Variants in CCDC68 observed in about 807,000 individuals in gnomAD.
CCDC68 encodes the protein coiled-coil domain containing 68.
In CCDC68, 45 loss-of-function variants were observed where a neutral mutation model predicts 47.1. The ratio of observed to expected loss-of-function variants is 0.96; its 90% CI spans 0.75 to 1.23. CCDC68 has a LOEUF of 1.23. CCDC68 is among the 50% of genes most tolerant of loss of function. CCDC68 has a pLI of 0.00. For synonymous variants in CCDC68, 131 were observed against 129.5 expected (o/e 1.01, Z -0.08); for missense variants, 353 against 373.6 (o/e 0.94, Z 0.45).
At chr18:54,916,590 A>G (rs2043956191) in intron 10 of CCDC68, among the ~76,000 whole-genome samples, 1 of 152,128 alleles carries the variant, frequency 6.6e-6, no homozygotes, top group Admixed American at 6.5e-5. Context: ...GTGATGCGCC[A>G]TTTGACAGAG....
intron 7 of CCDC68, among the ~76,000 whole-genome samples, chr18:54,930,621 CTT>C (rs2044227166): frequency 1.4e-5 from 1 of 72,644 alleles, no homozygotes; most frequent in Non-Finnish European, 2.8e-5. Flanking sequence ...CTTCCCTTCC[CTT>C]CCCCTCCCTC....
intron 7 of CCDC68, among the ~76,000 whole-genome samples, chr18:54,933,944 G>A (rs1164115891): frequency 1.3e-5 from 2 of 152,166 alleles, no homozygotes; most frequent in African/African-American, 4.8e-5. Flanking sequence ...ATATTGAAAT[G>A]TGATGTTTTT....
At chr18:54,927,038 C>A (rs2044157716) in intron 8 of CCDC68, among the ~76,000 whole-genome samples, 1 of 152,140 alleles carries the variant, frequency 6.6e-6, no homozygotes, top group East Asian at 1.9e-4. Flanking sequence ...ATGACCATAT[C>A]TATCTAATCT....
chr18:54,927,993 C>G (rs2044173930), intron 8 of CCDC68, among the ~76,000 whole-genome samples: 1 of 152,184 alleles, frequency 6.6e-6, no homozygotes, highest in Admixed American at 6.5e-5. Context: ...GACAACAATT[C>G]TGTCCATAAT....
chr18:54,948,651 T>A (rs554415067), intron 1 of CCDC68, among the ~76,000 whole-genome samples: 5 of 152,210 alleles, frequency 3.3e-5, no homozygotes, highest in African/African-American at 1.2e-4. Context: ...AGCCACTGTG[T>A]TAGGAACTGT....
chr18:54,924,931 G>A (rs2044120829), intron 8 of CCDC68, among the ~76,000 whole-genome samples: 1 of 152,136 alleles, frequency 6.6e-6, no homozygotes, highest in Non-Finnish European at 1.5e-5. Flanking sequence ...TTGGCATCAT[G>A]CTATTCTGTT....
chr18:54,941,741 G>A (rs1025868626), intron 3 of CCDC68, among the ~76,000 whole-genome samples: 1 of 152,108 alleles, frequency 6.6e-6, no homozygotes, highest in African/African-American at 2.4e-5. Context: ...CTCTTAGACT[G>A]TAAGACTGTA....
chr18:54,929,062 T>A (rs1421668667), intron 7 of CCDC68, among the ~76,000 whole-genome samples, 180 bp from the exon 8 acceptor site: 1 of 152,194 alleles, frequency 6.6e-6, no homozygotes, highest in Non-Finnish European at 1.5e-5. Flanking sequence ...ATAGTTCAAC[T>A]ATAGGCCAAA....
chr18:54,949,574 C>A (rs920862990), intron 1 of CCDC68, among the ~76,000 whole-genome samples: 4 of 152,192 alleles, frequency 2.6e-5, no homozygotes, highest in Non-Finnish European at 5.9e-5. Flanking sequence ...TGATTGACCG[C>A]ACAGAGGTAT....
At chr18:54,947,433 A>G (rs2044545969) in intron 1 of CCDC68, among the ~76,000 whole-genome samples, 1 of 152,188 alleles carries the variant, frequency 6.6e-6, no homozygotes, top group Non-Finnish European at 1.5e-5. Flanking sequence ...GCTTTCTGTG[A>G]AGAAAGAAGG....
rs374996342 is a variant in CCDC68, at chr18:54,918,881, C to T, written c.789+390G>A. ...CCAGAGAAGAAGGGCCAGGCTACAC[C>T]CCTATCCTAAATCATGTCCTAAATA... On this transcript the variant is annotated intron_variant, in intron 9 of 11. Coordinates refer to ENST00000591504, the MANE Select transcript of CCDC68 (RefSeq NM_025214.3). 1.3e-3 allele frequency among the ~76,000 whole-genome samples: 205 copies of T among 152,272 alleles called. No individual in the cohort carries two copies. The South Asian group carries it at 0.014, about 10-fold the overall frequency.
At chr18:54,918,978 C>T (rs1377611753) in intron 9 of CCDC68, among the ~76,000 whole-genome samples, 1 of 152,188 alleles carries the variant, frequency 6.6e-6, no homozygotes, top group Non-Finnish European at 1.5e-5. Context: ...ACAAAATTGT[C>T]TAAAGACCAG....
At chr18:54,953,509 CAT>C (rs1212733479) in intron 1 of CCDC68, among the ~76,000 whole-genome samples, 1 of 19,252 alleles carries the variant, frequency 5.2e-5, no homozygotes, top group Non-Finnish European at 1.1e-4. Context: ...TATATATATA[CAT>C]ACACACACAC....
At chr18:54,937,927 C>T (rs762178533) in intron 5 of CCDC68, 30 bp downstream of exon 5, 1 of 1,595,318 alleles carries the variant, frequency 6.3e-7, no homozygotes, top group South Asian at 1.1e-5. Context: ...AGGCTCAAAA[C>T]ACAAAATTTG....
chr18:54,954,016 G>A lies in CCDC68; in HGVS notation c.-103+5320C>T, dbSNP rs535836983. Reference sequence around the variant, plus strand: ...CCCTCCCTTCCCCTCCCCTCCCCTCGCCTTCCCTTCCCTTCCCTCCTTCCT... The same window carrying A: ...CCCTCCCTTCCCCTCCCCTCCCCTCACCTTCCCTTCCCTTCCCTCCTTCCT... On this transcript the variant is annotated intron_variant, in intron 1 of 11. Coordinates refer to ENST00000591504, the MANE Select transcript of CCDC68 (RefSeq NM_025214.3). Among the ~76,000 whole-genome samples, 234 of 56,046 alleles carry A rather than the reference G, an allele frequency of 4.2e-3. 2 individuals are homozygous for A. The highest frequency in any genetic ancestry group is 5.8e-3 in the Non-Finnish European group (180 of 31,020). 36.8% of individuals were successfully genotyped at this position (56,046 alleles called of 152,430 possible).
At chr18:54,925,555 G>T (rs146033125) in intron 8 of CCDC68, among the ~76,000 whole-genome samples, 1 of 152,292 alleles carries the variant, frequency 6.6e-6, no homozygotes, top group African/African-American at 2.4e-5. Flanking sequence ...CATGTTGCAG[G>T]CTCTAAGAGG....
intron 1 of CCDC68, among the ~76,000 whole-genome samples, chr18:54,947,886 G>T (rs1459209734): frequency 6.6e-6 from 1 of 152,176 alleles, no homozygotes; most frequent in Non-Finnish European, 1.5e-5. Flanking sequence ...CCGATAATTT[G>T]TCAGTTTCCT....
chr18:54,908,872 G>A (rs527730021), intron 10 of CCDC68, among the ~76,000 whole-genome samples: 1 of 152,092 alleles, frequency 6.6e-6, no homozygotes, highest in South Asian at 2.1e-4. Flanking sequence ...ACTATGCCTG[G>A]CTAATTTTTG....
intron 2 of CCDC68, among the ~76,000 whole-genome samples, chr18:54,943,884 G>A (rs1308356507): frequency 1.3e-5 from 2 of 152,074 alleles, no homozygotes; most frequent in African/African-American, 2.4e-5. Context: ...AGTCGGGCAT[G>A]GTGGCTCACA....
Sources: gnomAD v4.1 joint callset for allele counts (sites outside exome capture counted in the v4.1 genomes callset) on GRCh38, gnomAD v4.1.1 for gene constraint, MANE v1.5 for transcripts, NCBI Gene and HGNC (gene_info 2026-07-23, HGNC 2026-07-21) for gene names.